The following TMEM135 variants were observed in gnomAD, a reference collection of about 807,000 sequenced individuals.
The protein encoded by TMEM135 is transmembrane protein 135, also known as peroxisomal membrane protein 52.
Under a neutral mutation model 60.3 loss-of-function variants are expected in TMEM135, and 30 were observed. That is an observed-to-expected ratio of 0.50 (90% confidence interval 0.37 to 0.68). The LOEUF (loss-of-function observed/expected upper bound fraction) is 0.68. Among genes scored for constraint, TMEM135 ranks in the 30% least tolerant of loss-of-function variants. The probability of loss-of-function intolerance (pLI) is 0.00; values close to 1 mark genes in which losing one functional copy is unlikely to be tolerated. For synonymous variants in TMEM135, 190 were observed against 186.7 expected (o/e 1.02, Z -0.14); for missense variants, 468 against 548.8 (o/e 0.85, Z 1.47).
chr11:87,158,738 A>G (rs1191349555), intron 5 of TMEM135, among the ~76,000 whole-genome samples: 4 of 152,184 alleles, frequency 2.6e-5, no homozygotes, highest in Non-Finnish European at 5.9e-5. Flanking sequence ...TGCTGGGATT[A>G]CAGGCGTGAG....
At chr11:87,280,744 C>T (rs1942046323) in intron 6 of TMEM135, among the ~76,000 whole-genome samples, 1 of 152,200 alleles carries the variant, frequency 6.6e-6, no homozygotes, top group African/African-American at 2.4e-5. Context: ...CTGTCCTCAG[C>T]ACTTGCAACC....
chr11:87,267,010 C>G (rs1314177507), intron 6 of TMEM135, among the ~76,000 whole-genome samples: 3 of 151,960 alleles, frequency 2.0e-5, no homozygotes, highest in Non-Finnish European at 2.9e-5. Context: ...GAGAAAGGAG[C>G]TTAAGGTGGT....
intron 1 of TMEM135, among the ~76,000 whole-genome samples, chr11:87,063,021 C>T (rs2135130737): frequency 6.6e-6 from 1 of 152,254 alleles, no homozygotes; most frequent in East Asian, 1.9e-4. Context: ...CACACTTGTT[C>T]TCCTTGCCCC....
At chr11:87,180,024 C>A (rs542996906) in intron 5 of TMEM135, among the ~76,000 whole-genome samples, 1 of 152,208 alleles carries the variant, frequency 6.6e-6, no homozygotes, top group South Asian at 2.1e-4. Flanking sequence ...TCTTGGTCTG[C>A]ACAACAGATG....
chr11:87,067,923 C>A (rs1253652531), intron 2 of TMEM135, 102 bp downstream of exon 2: 20 of 1,431,888 alleles, frequency 1.4e-5, no homozygotes, highest in Non-Finnish European at 1.8e-5. Flanking sequence ...TATCCCCGCC[C>A]CCCCTTTTTT....
At chr11:87,296,450 A>C (rs768763564) in intron 7 of TMEM135, among the ~76,000 whole-genome samples, 48 of 152,200 alleles carry the variant, frequency 3.2e-4, no homozygotes, top group Non-Finnish European at 6.2e-4. Context: ...CAAGTTAACT[A>C]TATATACTGA....
At chr11:87,212,202 A>G (rs1372494840) in intron 5 of TMEM135, among the ~76,000 whole-genome samples, 3 of 149,552 alleles carry the variant, frequency 2.0e-5, no homozygotes, top group Non-Finnish European at 3.0e-5. Context: ...GAATTAAAAC[A>G]TGTAGATCTC....
chr11:87,215,685 T>C (rs995245426), intron 5 of TMEM135, among the ~76,000 whole-genome samples: 1 of 152,208 alleles, frequency 6.6e-6, no homozygotes, highest in Non-Finnish European at 1.5e-5. Context: ...CTTACCTCTC[T>C]ATCTCTGTCT....
At chr11:87,310,478 AGGAG>A (rs1442117487) in intron 10 of TMEM135, among the ~76,000 whole-genome samples, 1 of 151,986 alleles carries the variant, frequency 6.6e-6, no homozygotes, top group African/African-American at 2.4e-5. Flanking sequence ...GGGCTTCTAG[AGGAG>A]GGAGGGAGGG....
At chr11:87,040,009 A>G (rs1039574278) in intron 1 of TMEM135, among the ~76,000 whole-genome samples, 2 of 152,196 alleles carry the variant, frequency 1.3e-5, no homozygotes, top group African/African-American at 4.8e-5. Context: ...CTCCAACAAG[A>G]TTAAGTACTT....
chr11:87,283,720 T>G (rs1356319655), intron 6 of TMEM135, among the ~76,000 whole-genome samples: 1 of 151,944 alleles, frequency 6.6e-6, no homozygotes, highest in Non-Finnish European at 1.5e-5. Context: ...TAGCTGGGCG[T>G]GGTGGCGGGC....
intron 3 of TMEM135, among the ~76,000 whole-genome samples, chr11:87,077,552 G>A (rs1178655839): frequency 6.6e-6 from 1 of 152,026 alleles, no homozygotes; most frequent in African/African-American, 2.4e-5. Context: ...TTCCCTTTTT[G>A]GGAACAATTG....
intron 5 of TMEM135, among the ~76,000 whole-genome samples, chr11:87,185,301 A>G (rs1939622183): frequency 6.6e-6 from 1 of 152,140 alleles, no homozygotes. Flanking sequence ...TATATGTTCC[A>G]GTTAGTTAAG....
chr11:87,047,495 C>T (rs1294969153), intron 1 of TMEM135, among the ~76,000 whole-genome samples: 2 of 151,002 alleles, frequency 1.3e-5, no homozygotes. Flanking sequence ...GAGGCACTGC[C>T]TCACCTGGGA....
At chr11:87,057,536 T>G (rs1274738565) in intron 1 of TMEM135, among the ~76,000 whole-genome samples, 1 of 152,202 alleles carries the variant, frequency 6.6e-6, no homozygotes, top group Non-Finnish European at 1.5e-5. Flanking sequence ...ATGATGCGAT[T>G]TCTTCATTTA....
At chr11:87,221,045 C>A (rs995424429) in intron 5 of TMEM135, among the ~76,000 whole-genome samples, 13 of 152,114 alleles carry the variant, frequency 8.5e-5, no homozygotes, top group East Asian at 3.9e-4. Context: ...ATGCTGTTGT[C>A]ATAAAGTTTA....
At chr11:87,261,348 G>T (rs1315675056) in intron 6 of TMEM135, among the ~76,000 whole-genome samples, 1 of 152,074 alleles carries the variant, frequency 6.6e-6, no homozygotes, top group East Asian at 1.9e-4. Flanking sequence ...ATGTGGGTTA[G>T]AAATCATGAG....
rs868522099 is a variant in TMEM135, at chr11:87,328,665, G to A, written c.*7332G>A. 8.8e-6 allele frequency: 4 copies of A among 453,868 alleles called. No individual in the cohort carries two copies. The highest frequency in any genetic ancestry group is 6.8e-4 in the Middle Eastern group (1 of 1,466). 28.1% of individuals were successfully genotyped at this position (453,868 alleles called of 1,614,324 possible). A position where few individuals can be genotyped will look rare whatever the true frequency, so the allele number is the denominator to read the frequency against. On this transcript the variant is annotated 3_prime_UTR_variant, in exon 15 of 15. Transcript: ENST00000305494. ...CAGCTCCATCCAAGATGCTGCAAAA[G>A]ACATTATTTCATCTTTTATTTTTTA... is the stretch of plus-strand genomic sequence containing the variant.
chr11:87,285,126 G>A (rs577699), intron 6 of TMEM135, among the ~76,000 whole-genome samples: 22,900 of 152,086 alleles, frequency 0.15, 2,235 homozygotes, highest in African/African-American at 0.27. Context: ...CTTGGTAATC[G>A]TATGATAAGC....
Sources: gnomAD v4.1 joint callset for allele counts (sites outside exome capture counted in the v4.1 genomes callset) on GRCh38, gnomAD v4.1.1 for gene constraint, MANE v1.5 for transcripts, NCBI Gene and HGNC (gene_info 2026-07-23, HGNC 2026-07-21) for gene names.